The following KLF12 variants were observed in gnomAD, a reference collection of about 807,000 sequenced individuals.
The protein encoded by KLF12 is KLF transcription factor 12, also known as Krueppel-like factor 12.
A neutral mutation model predicts 37.8 loss-of-function variants in KLF12; 9 were observed. The observed-to-expected ratio is 0.24, with a 90% CI of 0.14 to 0.42. The LOEUF (loss-of-function observed/expected upper bound fraction) is 0.42. Ranked by LOEUF, KLF12 falls within the 10% of genes least tolerant of loss-of-function variation. KLF12 has a pLI of 1.00. For synonymous variants in KLF12, 208 were observed against 202.1 expected, an observed-to-expected ratio of 1.03 and a Z score of -0.25; for missense variants, 411 against 516.0, an observed-to-expected ratio of 0.80 and a Z score of 1.97.
chr13:74,172,911 G>A, the KLF12 span, among the ~76,000 whole-genome samples: 7 of 152,146 alleles, frequency 4.6e-5, no homozygotes, highest in South Asian at 4.2e-4. Context: ...TATACCCTTC[G>A]TCCTATTTGT....
At chr13:74,016,841 A>G (rs1323861531) in intron 1 of KLF12, among the ~76,000 whole-genome samples, 2 of 152,248 alleles carry the variant, frequency 1.3e-5, no homozygotes, top group Non-Finnish European at 2.9e-5. Context: ...TTCACAGTGC[A>G]GATTCCCAAC....
chr13:73,697,514 C>T (rs914004625), intron 7 of KLF12, among the ~76,000 whole-genome samples: 4 of 152,162 alleles, frequency 2.6e-5, no homozygotes, highest in Non-Finnish European at 5.9e-5. Context: ...ATCAGCAAAA[C>T]CCCTAACTTA....
chr13:73,715,416 C>G lies in KLF12; in HGVS notation c.979G>C (p.Val327Leu). Reference sequence around the variant, plus strand: ...TTCAGGTGAGAACTTTTTGTGTACACTTTGTTGCATCCCTCAAAATCACAT... The same window carrying G: ...TTCAGGTGAGAACTTTTTGTGTACAGTTTGTTGCATCCCTCAAAATCACAT... The change falls in exon 7 of 8, where the codon GTG (valine) becomes CTG (leucine). Residue 327 changes from valine to leucine, a missense_variant. Physicochemically the swap from Val to Leu is conservative, Grantham distance 32. This residue lies in a region of KLF12 where 60 missense variants were observed against 118.2 expected (regional missense o/e 0.51). Coordinates refer to ENST00000377669, the MANE Select transcript of KLF12 (RefSeq NM_007249.5). 1 of 1,614,056 alleles carries G rather than the reference C, an allele frequency of 6.2e-7. No individual in the cohort carries two copies. The highest frequency in any genetic ancestry group is 8.5e-7 in the Non-Finnish European group (1 of 1,179,956).
intron 3 of KLF12, among the ~76,000 whole-genome samples, chr13:73,883,172 C>T (rs549228028): frequency 2.1e-4 from 32 of 152,092 alleles, no homozygotes; most frequent in Non-Finnish European, 4.3e-4. Context: ...AATAAAAGAT[C>T]ATGCATTACT....
At chr13:73,810,982 C>CTTTTTTTT (rs376490803) in intron 5 of KLF12, among the ~76,000 whole-genome samples, 50 of 44,812 alleles carry the variant, frequency 1.1e-3, no homozygotes, top group South Asian at 2.8e-3. Flanking sequence ...ATTTTTCTTT[C>CTTTTTTTT]TTTTTTTTTT....
At chr13:74,168,083 A>G in the KLF12 span, among the ~76,000 whole-genome samples, 1 of 152,226 alleles carries the variant, frequency 6.6e-6, no homozygotes, top group African/African-American at 2.4e-5. Context: ...TTCATTTCCT[A>G]TATAAATTGA....
the KLF12 span, among the ~76,000 whole-genome samples, chr13:74,249,331 G>A: frequency 4.7e-5 from 6 of 128,008 alleles, no homozygotes; most frequent in Admixed American, 3.3e-4. Context: ...TTGAAAGCAG[G>A]AGCATCACAC....
At chr13:73,833,487 T>G (rs533853609) in intron 4 of KLF12, among the ~76,000 whole-genome samples, 60 of 152,204 alleles carry the variant, frequency 3.9e-4, no homozygotes, top group African/African-American at 1.3e-3. Context: ...CAGCAACAGC[T>G]TGGGGGATGG....
chr13:73,887,691 T>G (rs1409150608), intron 3 of KLF12, among the ~76,000 whole-genome samples: 1 of 149,374 alleles, frequency 6.7e-6, no homozygotes, highest in Non-Finnish European at 1.5e-5. Context: ...GTATCTTCAT[T>G]TTTAAAAAGG....
intron 5 of KLF12, among the ~76,000 whole-genome samples, chr13:73,774,765 G>T (rs1207510751): frequency 6.6e-6 from 1 of 151,974 alleles, no homozygotes; most frequent in African/African-American, 2.4e-5. Flanking sequence ...AAGCAATACA[G>T]ATCTATTAGA....
intron 5 of KLF12, among the ~76,000 whole-genome samples, chr13:73,805,883 C>T (rs886336764): frequency 1.3e-5 from 2 of 152,082 alleles, no homozygotes; most frequent in Non-Finnish European, 2.9e-5. Flanking sequence ...TGGCTCACTG[C>T]AACCTCCACC....
the KLF12 span, among the ~76,000 whole-genome samples, chr13:74,167,188 A>G: frequency 6.6e-6 from 1 of 152,208 alleles, no homozygotes; most frequent in African/African-American, 2.4e-5. Flanking sequence ...CAGCTAAGGC[A>G]TATAGAGATG....
chr13:73,908,839 T>C (rs758987829), intron 3 of KLF12, among the ~76,000 whole-genome samples: 2 of 152,188 alleles, frequency 1.3e-5, no homozygotes, highest in Non-Finnish European at 2.9e-5. Context: ...CTCTATGCTA[T>C]CTGCCCCACT....
At chr13:74,013,549 T>C (rs1246928991) in intron 1 of KLF12, among the ~76,000 whole-genome samples, 1 of 152,196 alleles carries the variant, frequency 6.6e-6, no homozygotes, top group Non-Finnish European at 1.5e-5. Flanking sequence ...AAAAACACCA[T>C]CTACATATCA....
the KLF12 span, among the ~76,000 whole-genome samples, chr13:74,218,898 C>T: frequency 6.6e-6 from 1 of 151,620 alleles, no homozygotes; most frequent in Non-Finnish European, 1.5e-5. Context: ...TACCACACCC[C>T]AGGAATCATG....
At chr13:74,059,697 A>C (rs1045416501) in intron 1 of KLF12, among the ~76,000 whole-genome samples, 1 of 152,030 alleles carries the variant, frequency 6.6e-6, no homozygotes, top group African/African-American at 2.4e-5. Flanking sequence ...CAGAGGCATA[A>C]TTTGCAAATG....
chr13:74,109,839 C>T (rs571849904), intron 1 of KLF12, among the ~76,000 whole-genome samples: 44 of 152,090 alleles, frequency 2.9e-4, no homozygotes, highest in Non-Finnish European at 4.9e-4. Flanking sequence ...TTATGAAAAC[C>T]GATCCGTTTT....
chr13:73,816,854 G>A (rs1883250560), intron 4 of KLF12, among the ~76,000 whole-genome samples: 1 of 152,108 alleles, frequency 6.6e-6, no homozygotes, highest in African/African-American at 2.4e-5. Context: ...CTCAGCAGGC[G>A]GCCAATCCCA....
At chr13:74,148,403 C>CTTTTTTTTTTTTTTT in the KLF12 span, among the ~76,000 whole-genome samples, 1 of 73,484 alleles carries the variant, frequency 1.4e-5, no homozygotes, top group Non-Finnish European at 2.4e-5. Context: ...CAAAACTGCT[C>CTTTTTTTTTTTTTTT]TTTTTTTTTT....
Sources: gnomAD v4.1 joint callset for allele counts (sites outside exome capture counted in the v4.1 genomes callset) on GRCh38, gnomAD v4.1.1 for gene constraint, gnomAD v4.1.1 regional missense constraint, MANE v1.5 for transcripts, NCBI Gene and HGNC (gene_info 2026-07-23, HGNC 2026-07-21) for gene names.